Variants in FNIP2 observed in about 807,000 individuals in gnomAD.
FNIP2 encodes folliculin interacting protein 2, also known as folliculin-interacting protein 2.
In FNIP2, 32 loss-of-function variants were observed where a neutral mutation model predicts 108.7. That is an observed-to-expected ratio of 0.29 (90% CI 0.22 to 0.40). The LOEUF (loss-of-function observed/expected upper bound fraction) is 0.40. Among genes scored for constraint, FNIP2 ranks in the 10% least tolerant of loss-of-function variants. FNIP2 has a pLI of 1.00. For synonymous variants in FNIP2, 480 were observed against 496.7 expected (o/e 0.97, Z 0.45); for missense variants, 1,202 against 1,381.6 (o/e 0.87, Z 2.06).
At position 158,819,162 on chromosome 4, in the gene FNIP2, T is replaced by C. The variant is rs1777740234; in HGVS notation, c.108-6754T>C. On this transcript the variant is annotated intron_variant, in intron 1 of 16. Coordinates refer to ENST00000264433, the MANE Select transcript of FNIP2 (RefSeq NM_020840.3). ...TGTTCCTGGTACCTTTCATGGTGCC[T>C]GTGTGAAGCCACACACTCAAAGGTG... Among the ~76,000 whole-genome samples the C allele has an allele frequency of 4.6e-5, 7 of 152,366 alleles. No homozygotes were observed. In the South Asian group the frequency reaches 1.4e-3, roughly 32 times the overall value.
intron 1 of FNIP2, among the ~76,000 whole-genome samples, chr4:158,778,158 G>C (rs1387619617): frequency 6.6e-6 from 1 of 152,200 alleles, no homozygotes; most frequent in East Asian, 1.9e-4. Flanking sequence ...GCTTCTCAGA[G>C]ATCTTGATTT....
rs1198703923 is a variant in FNIP2, at chr4:158,891,428, T to G, written c.2950-18T>G. 1 of 1,574,888 alleles carries G rather than the reference T, an allele frequency of 6.3e-7. No individual in the cohort carries two copies. Among genetic ancestry groups the G allele is most frequent in the Admixed American group, 1.9e-5 (1 of 53,820 alleles). On this transcript the variant is annotated intron_variant, in intron 14 of 16. Coordinates refer to ENST00000264433, the MANE Select transcript of FNIP2 (RefSeq NM_020840.3). ...TCACCTGGATAAATAAACCCATCCCTTTGTGTTTCTTTTTCAGCATCCAGT... is the reference window on the plus strand; with the variant it reads ...TCACCTGGATAAATAAACCCATCCCGTTGTGTTTCTTTTTCAGCATCCAGT...
Position 158,775,324 on chromosome 4 carries a change from G to C in FNIP2, c.107+6005G>C, listed in dbSNP as rs550864425. On this transcript the variant is annotated intron_variant, in intron 1 of 16. Transcript: ENST00000264433. ...TGAGATCATATACTTGGCTGTAAAA[G>C]TAAGTCTTTCCTTTGGATGTAAGAG... Among the ~76,000 whole-genome samples the C allele has an allele frequency of 3.3e-5, 5 of 152,314 alleles. No homozygotes were observed. The South Asian group carries it at 1.0e-3, about 32-fold the overall frequency.
intron 1 of FNIP2, among the ~76,000 whole-genome samples, chr4:158,815,231 C>T (rs1356210100): frequency 6.6e-6 from 1 of 152,122 alleles, no homozygotes; most frequent in Non-Finnish European, 1.5e-5. Flanking sequence ...GAGGTAGGAC[C>T]TGAGCCCAGG....
chr4:158,769,736 T>G (rs921847098), intron 1 of FNIP2, among the ~76,000 whole-genome samples: 1 of 152,170 alleles, frequency 6.6e-6, no homozygotes, highest in Non-Finnish European at 1.5e-5. Context: ...CGTGACAGTG[T>G]TTTGAAGTTC....
chr4:158,816,521 G>T (rs1199958711), intron 1 of FNIP2, among the ~76,000 whole-genome samples: 1 of 152,176 alleles, frequency 6.6e-6, no homozygotes, highest in African/African-American at 2.4e-5. Context: ...AGTGGCTCAT[G>T]CCTGTAATCT....
intron 1 of FNIP2, among the ~76,000 whole-genome samples, chr4:158,815,874 C>T (rs978374124): frequency 1.1e-4 from 16 of 152,076 alleles, no homozygotes; most frequent in Middle Eastern, 3.2e-3. Flanking sequence ...ACATACTTAC[C>T]TAAGGAGCTT....
At chr4:158,855,841 T>C (rs890996508) in intron 8 of FNIP2, among the ~76,000 whole-genome samples, 1 of 152,194 alleles carries the variant, frequency 6.6e-6, no homozygotes, top group African/African-American at 2.4e-5. Context: ...GACAGGAGAA[T>C]AGTGGGTACC....
chr4:158,865,819 C>T lies in FNIP2; in HGVS notation c.1466-2283C>T, dbSNP rs1245180474. Among the ~76,000 whole-genome samples the T allele has an allele frequency of 3.9e-5, 6 of 152,262 alleles. No homozygotes were observed. In the South Asian group the frequency reaches 1.0e-3, roughly 26 times the overall value. Reference sequence around the variant, plus strand: ...CAATTCTGAGTTACTCTCTTGAATTCTAGGCTGATTTCTCAGTCACTTGCA... The same window carrying T: ...CAATTCTGAGTTACTCTCTTGAATTTTAGGCTGATTTCTCAGTCACTTGCA... On this transcript the variant is annotated intron_variant, in intron 12 of 16. Coordinates refer to ENST00000264433, the MANE Select transcript of FNIP2 (RefSeq NM_020840.3).
chr4:158,890,282 T>C lies in FNIP2; in HGVS notation c.2950-1164T>C, dbSNP rs1162101833. On this transcript the variant is annotated intron_variant, in intron 14 of 16. Coordinates refer to ENST00000264433, the MANE Select transcript of FNIP2 (RefSeq NM_020840.3). ...ATCTTTTTAAACCCTTATATTTTTATAAACCCTGATAATAGGGAAAAATAT... is the reference window on the plus strand; with the variant it reads ...ATCTTTTTAAACCCTTATATTTTTACAAACCCTGATAATAGGGAAAAATAT... 3.0e-6 allele frequency: 3 copies of C among 984,704 alleles called. No individual in the cohort carries two copies. In the African/African-American group the frequency reaches 5.2e-5, roughly 17 times the overall value. The allele number at this position is 984,704 out of a possible 1,614,324, so 61.0% of individuals were successfully genotyped here. A position where few individuals can be genotyped will look rare whatever the true frequency, so the allele number is the denominator to read the frequency against.
chr4:158,877,705 A>T (rs1189019836), intron 14 of FNIP2, among the ~76,000 whole-genome samples: 2 of 152,186 alleles, frequency 1.3e-5, no homozygotes, highest in African/African-American at 4.8e-5. Context: ...CACCTGAGAG[A>T]TTTATCAGTT....
intron 7 of FNIP2, among the ~76,000 whole-genome samples, chr4:158,837,665 C>T (rs903889827): frequency 2.0e-5 from 3 of 152,166 alleles, no homozygotes; most frequent in African/African-American, 7.2e-5. Context: ...AGTAAAGATT[C>T]AGCCAGATCA....
intron 1 of FNIP2, chr4:158,805,961 G>T (rs550287333): frequency 3.9e-5 from 9 of 233,682 alleles, no homozygotes; most frequent in African/African-American, 1.8e-4. Flanking sequence ...TGCAGACAGC[G>T]TGTTTTGTAA....
chr4:158,847,867 A>G (rs1199723830), intron 7 of FNIP2, among the ~76,000 whole-genome samples: 1 of 152,184 alleles, frequency 6.6e-6, no homozygotes, highest in Non-Finnish European at 1.5e-5. Flanking sequence ...GGCAGTAGCC[A>G]CTATGGGCCC....
chr4:158,893,713 CT>C, intron 15 of FNIP2: 1 of 1,585,026 alleles, frequency 6.3e-7, no homozygotes, highest in Non-Finnish European at 8.6e-7. Flanking sequence ...TTAATGTTTC[CT>C]TTTCTGTAAG....
chr4:158,805,524 A>T (rs1211296766), intron 1 of FNIP2, among the ~76,000 whole-genome samples: 1 of 152,126 alleles, frequency 6.6e-6, no homozygotes. Context: ...GCTGCTCGTT[A>T]TCATTTTTTT....
chr4:158,832,176 T>C (rs1040337383), intron 5 of FNIP2, 38 bp downstream of exon 5: 2 of 1,513,498 alleles, frequency 1.3e-6, no homozygotes, highest in Non-Finnish European at 1.8e-6. Context: ...CCCCATTTTT[T>C]AAAGTGTGTA....
chr4:158,869,066 T>C lies in FNIP2; in HGVS notation c.2430T>C (p.Ala810=), dbSNP rs1403541339. The C allele has an allele frequency of 1.2e-6, 2 of 1,614,010 alleles. No individual in the cohort carries two copies. The highest frequency in any genetic ancestry group is 1.7e-6 in the Non-Finnish European group (2 of 1,179,878). ...GSRNDMAADI[A]GQLSHAADLG... ...GAAACGACATGGCAGCAGATATTGC[T>C]GGGCAGCTCAGCCACGCTGCTGACT... The change falls in exon 13 of 17, where the codon GCT becomes GCC. Residue 810 remains alanine (A), a synonymous_variant. Coordinates refer to ENST00000264433, the MANE Select transcript of FNIP2 (RefSeq NM_020840.3).
At chr4:158,898,042 A>C (rs978942752) in intron 16 of FNIP2, among the ~76,000 whole-genome samples, 4 of 152,180 alleles carry the variant, frequency 2.6e-5, no homozygotes, top group Non-Finnish European at 5.9e-5. Flanking sequence ...TTCCAGTTTC[A>C]GTTTTCTGCA....
Sources: gnomAD v4.1 joint callset for allele counts (sites outside exome capture counted in the v4.1 genomes callset) on GRCh38, gnomAD v4.1.1 for gene constraint, MANE v1.5 for transcripts, NCBI Gene and HGNC (gene_info 2026-07-23, HGNC 2026-07-21) for gene names.